The following TMC1 variants were observed in gnomAD, a reference collection of about 807,000 sequenced individuals.
TMC1 encodes transmembrane channel like 1.
A neutral mutation model predicts 105.8 loss-of-function variants in TMC1; 84 were observed. That is an observed-to-expected ratio of 0.79 (90% CI 0.67 to 0.95). TMC1 has a LOEUF of 0.95. Among genes scored for constraint, TMC1 ranks in the 40% least tolerant of loss-of-function variants. The pLI, the probability that TMC1 is intolerant of heterozygous loss-of-function variation, is 0.00. For synonymous variants in TMC1, 315 were observed against 311.5 expected (o/e 1.01, Z -0.12); for missense variants, 817 against 914.1 (o/e 0.89, Z 1.37).
intron 1 of TMC1, among the ~76,000 whole-genome samples, chr9:72,562,819 A>G (rs1824080930): frequency 6.6e-6 from 1 of 152,164 alleles, no homozygotes; most frequent in Non-Finnish European, 1.5e-5. Flanking sequence ...GGGGATTATT[A>G]AAGAAAATTT....
intron 1 of TMC1, among the ~76,000 whole-genome samples, chr9:72,545,785 G>A (rs1268480100): frequency 6.6e-6 from 1 of 151,876 alleles, no homozygotes; most frequent in Non-Finnish European, 1.5e-5. Flanking sequence ...ACCACACCCG[G>A]TCTCCATAAA....
rs953709963 is a variant in TMC1 at position 72,837,871 on chromosome 9, T to G, written c.*1898T>G. 2.0e-5 allele frequency: 3 copies of G among 152,374 alleles called. No homozygotes were observed. Among genetic ancestry groups the G allele is most frequent in the African/African-American group, 4.8e-5 (2 of 41,596 alleles). The allele number at this position is 152,374 out of a possible 1,614,324, so 9.4% of individuals were successfully genotyped here. On this transcript the variant is annotated 3_prime_UTR_variant, in exon 24 of 24. Coordinates refer to ENST00000297784, the MANE Select transcript of TMC1 (RefSeq NM_138691.3). ...ATTCCTCTGGTTGTCTTTTTCAGATTGACTTCCATTCTCAATCTTATCACT... is the reference window on the plus strand; with the variant it reads ...ATTCCTCTGGTTGTCTTTTTCAGATGGACTTCCATTCTCAATCTTATCACT...
chr9:72,824,446 T>C (rs559855716), intron 20 of TMC1, among the ~76,000 whole-genome samples: 1 of 152,280 alleles, frequency 6.6e-6, no homozygotes, highest in South Asian at 2.1e-4. Context: ...ACATGGATTA[T>C]TGAAGGATGG....
At chr9:72,737,937 T>C (rs1290928735) in intron 8 of TMC1, among the ~76,000 whole-genome samples, 1 of 152,176 alleles carries the variant, frequency 6.6e-6, no homozygotes, top group East Asian at 1.9e-4. Context: ...AGTCTATCAA[T>C]TGAGTTTCAG....
intron 13 of TMC1, among the ~76,000 whole-genome samples, chr9:72,775,041 G>A (rs1048358479): frequency 7.2e-5 from 11 of 152,064 alleles, no homozygotes; most frequent in African/African-American, 2.7e-4. Context: ...TTACTTAATA[G>A]CAAAATCAGA....
intron 4 of TMC1, among the ~76,000 whole-genome samples, chr9:72,643,136 T>C: frequency 6.6e-6 from 1 of 152,082 alleles, no homozygotes; most frequent in Non-Finnish European, 1.5e-5. Flanking sequence ...CCTTCCTTTC[T>C]TTTTTTCTTC....
intron 17 of TMC1, among the ~76,000 whole-genome samples, chr9:72,793,930 C>A (rs1030773869): frequency 5.9e-5 from 9 of 152,178 alleles, no homozygotes; most frequent in African/African-American, 1.9e-4. Flanking sequence ...ACTGAAAGTT[C>A]CTCTGCCACT....
At chr9:72,791,023 G>A (rs551977056) in intron 15 of TMC1, among the ~76,000 whole-genome samples, 4 of 152,262 alleles carry the variant, frequency 2.6e-5, no homozygotes, top group African/African-American at 9.6e-5. Flanking sequence ...AAAGGAGATA[G>A]TCACCAGAGT....
At chr9:72,799,758 TAC>T (rs1828438526) in intron 17 of TMC1, among the ~76,000 whole-genome samples, 1 of 152,278 alleles carries the variant, frequency 6.6e-6, no homozygotes, top group African/African-American at 2.4e-5. Flanking sequence ...TCTATAACAG[TAC>T]ACATTCTAAT....
In TMC1 at chr9:72,678,558, A is replaced by G. The variant is rs117345083; in HGVS notation, c.17-10151A>G. Among the ~76,000 whole-genome samples, 879 of 152,184 alleles carry G rather than the reference A, an allele frequency of 5.8e-3. 4 individuals carry two copies. Among genetic ancestry groups the G allele is most frequent in the Non-Finnish European group, 9.0e-3 (615 of 67,982 alleles). On this transcript the variant is annotated intron_variant, in intron 5 of 23. Coordinates refer to ENST00000297784, the MANE Select transcript of TMC1 (RefSeq NM_138691.3). ...GTAATAACTATCATATTATATTATTACAAGCATAAAATGAAATAAGAGTAC... is the reference window on the plus strand; with the variant it reads ...GTAATAACTATCATATTATATTATTGCAAGCATAAAATGAAATAAGAGTAC...
chr9:72,604,791 A>C (rs916296057), intron 2 of TMC1, among the ~76,000 whole-genome samples: 1 of 152,216 alleles, frequency 6.6e-6, no homozygotes, highest in African/African-American at 2.4e-5. Context: ...AAGAACCTCA[A>C]CTGAGTTTTG....
chr9:72,751,978 A>G, intron 11 of TMC1, 22 bp downstream of exon 11: 4 of 1,430,424 alleles, frequency 2.8e-6, no homozygotes, highest in Non-Finnish European at 3.9e-6. Context: ...CTTCCAGTTT[A>G]CAAAACATGC....
At chr9:72,699,169 T>C (rs943601439) in intron 7 of TMC1, among the ~76,000 whole-genome samples, 9 of 152,168 alleles carry the variant, frequency 5.9e-5, no homozygotes, top group Admixed American at 6.5e-5. Context: ...ATTGCATGCC[T>C]CGATTTAAAA....
At chr9:72,544,613 G>A (rs1823733561) in intron 1 of TMC1, among the ~76,000 whole-genome samples, 1 of 150,318 alleles carries the variant, frequency 6.7e-6, no homozygotes. Context: ...CTGAGTAACT[G>A]GGATTACAGG....
chr9:72,609,174 T>TCCTTC, intron 2 of TMC1, among the ~76,000 whole-genome samples: 1 of 139,074 alleles, frequency 7.2e-6, no homozygotes, highest in Non-Finnish European at 1.5e-5. Context: ...CCTCGCTTCC[T>TCCTTC]CCTTCCCTTC....
At chr9:72,758,354 C>A (rs923797645) in intron 12 of TMC1, among the ~76,000 whole-genome samples, 1 of 152,040 alleles carries the variant, frequency 6.6e-6, no homozygotes, top group African/African-American at 2.4e-5. Context: ...AGGGAAGGAC[C>A]TTTAATTATT....
chr9:72,751,266 G>T (rs1377155592), intron 10 of TMC1, among the ~76,000 whole-genome samples: 1 of 152,216 alleles, frequency 6.6e-6, no homozygotes, highest in African/African-American at 2.4e-5. Flanking sequence ...TCTGGCATAA[G>T]ATGTGTGGAG....
At chr9:72,598,685 C>T (rs1482812124) in intron 2 of TMC1, among the ~76,000 whole-genome samples, 1 of 152,282 alleles carries the variant, frequency 6.6e-6, no homozygotes. Flanking sequence ...ACTAATTTCA[C>T]AGTCTTTATC....
chr9:72,601,580 G>A (rs1824816820), intron 2 of TMC1, among the ~76,000 whole-genome samples: 1 of 152,222 alleles, frequency 6.6e-6, no homozygotes, highest in South Asian at 2.1e-4. Context: ...AAGAGGTGGA[G>A]GTTGTAGTGA....
Sources: allele counts gnomAD v4.1 joint callset (sites outside exome capture counted in the v4.1 genomes callset), GRCh38; gene constraint gnomAD v4.1.1; transcripts MANE v1.5; gene names NCBI Gene and HGNC (gene_info 2026-07-23, HGNC 2026-07-21).